The following IRAK3 variants were observed in gnomAD, a reference collection of about 807,000 sequenced individuals.
The protein encoded by IRAK3 is interleukin 1 receptor associated kinase 3.
In IRAK3, 57 loss-of-function variants were observed where a neutral mutation model predicts 56.6. The observed-to-expected ratio is 1.01, with a 90% CI of 0.81 to 1.26. The LOEUF (loss-of-function observed/expected upper bound fraction) is 1.26, where lower values mean the gene tolerates loss of function less well. Ranked by LOEUF, IRAK3 falls within the 50% of genes most tolerant of loss-of-function variation. IRAK3 has a pLI of 0.00. For synonymous variants in IRAK3, 258 were observed against 255.7 expected (o/e 1.01, Z -0.09); for missense variants, 703 against 719.0 (o/e 0.98, Z 0.25).
At chr12:66,208,324 TACAC>T (rs57185737) in intron 2 of IRAK3, among the ~76,000 whole-genome samples, 2 of 150,014 alleles carry the variant, frequency 1.3e-5, no homozygotes, top group African/African-American at 2.4e-5. Flanking sequence ...TTGTCATTGA[TACAC>T]ACACACACAC....
chr12:66,208,700 G>A (rs973434683), intron 2 of IRAK3, among the ~76,000 whole-genome samples: 1 of 151,572 alleles, frequency 6.6e-6, no homozygotes, highest in Non-Finnish European at 1.5e-5. Flanking sequence ...GGCGGAGGTT[G>A]CAGTGAGCCA....
At chr12:66,216,628 A>G (rs1258748863) in intron 5 of IRAK3, among the ~76,000 whole-genome samples, 1 of 152,236 alleles carries the variant, frequency 6.6e-6, no homozygotes, top group East Asian at 1.9e-4. Flanking sequence ...TACTGAACTC[A>G]TTAAAATATT....
intron 8 of IRAK3, among the ~76,000 whole-genome samples, chr12:66,229,810 A>T (rs762702356): frequency 2.6e-5 from 4 of 152,226 alleles, no homozygotes; most frequent in Non-Finnish European, 5.9e-5. Context: ...CACTGAGCAC[A>T]CTAAGTGCTC....
At chr12:66,217,120 C>A in intron 5 of IRAK3, 51 bp from the exon 6 acceptor site, 1 of 1,354,482 alleles carries the variant, frequency 7.4e-7, no homozygotes, top group Non-Finnish European at 1.1e-6. Flanking sequence ...GTTAAGAATC[C>A]CAGAAACAGA....
At chr12:66,214,919 T>C (rs2052653715) in intron 5 of IRAK3, among the ~76,000 whole-genome samples, 1 of 152,174 alleles carries the variant, frequency 6.6e-6, no homozygotes, top group African/African-American at 2.4e-5. Context: ...TCTGATTATC[T>C]GTTGGATAGG....
intron 6 of IRAK3, among the ~76,000 whole-genome samples, chr12:66,220,514 C>CTTCTTTTTTTTTTTTTTTTTTT: frequency 1.5e-5 from 1 of 67,350 alleles, no homozygotes; most frequent in Non-Finnish European, 2.5e-5. Flanking sequence ...GTTCTTCTTT[C>CTTCTTTTTTTTTTTTTTTTTTT]TTTTTTTTTT....
chr12:66,241,165 G>A (rs991554696), intron 8 of IRAK3, among the ~76,000 whole-genome samples: 5 of 152,058 alleles, frequency 3.3e-5, no homozygotes, highest in African/African-American at 1.2e-4. Context: ...CATCTGTGTA[G>A]GATTCTCCAT....
chr12:66,189,771 G>A (rs2052382067), intron 1 of IRAK3, among the ~76,000 whole-genome samples: 1 of 152,160 alleles, frequency 6.6e-6, no homozygotes, highest in Non-Finnish European at 1.5e-5. Flanking sequence ...TCTGGTCCTT[G>A]CAAAATCACC....
At position 66,244,718 on chromosome 12, in the gene IRAK3, T is replaced by G. The variant is rs779167904; in HGVS notation, c.1086+34T>G. ...CAACTGCCAGTTAACAAAGGAGAGT[T>G]TATTGCCAAGAATGTTCTAGATTCT... On this transcript the variant is annotated intron_variant, in intron 9 of 11. Transcript: ENST00000261233. 6 of 1,553,962 alleles carry G rather than the reference T, an allele frequency of 3.9e-6. No homozygotes were observed. The Admixed American group carries it at 8.3e-5, about 22-fold the overall frequency.
intron 1 of IRAK3, among the ~76,000 whole-genome samples, chr12:66,202,795 A>T (rs1468060568): frequency 6.6e-6 from 1 of 151,664 alleles, no homozygotes; most frequent in Non-Finnish European, 1.5e-5. Flanking sequence ...ACAGAGTGAG[A>T]TGTTGTCTCA....
At chr12:66,246,715 G>T (rs1036693143) in intron 11 of IRAK3, among the ~76,000 whole-genome samples, 1 of 152,192 alleles carries the variant, frequency 6.6e-6, no homozygotes, top group African/African-American at 2.4e-5. Context: ...GTTTGTACAG[G>T]TTAAATGAGA....
At position 66,215,786 on chromosome 12, in the gene IRAK3, G is replaced by GCACGTGCACGTGCGCGCGCGCGCGCGCA. The variant is rs368883846; in HGVS notation, c.589-1382_589-1381insGTGCACGTGCGCGCGCGCGCGCGCACAC. Among the ~76,000 whole-genome samples the GCACGTGCACGTGCGCGCGCGCGCGCGCA allele has an allele frequency of 7.3e-5, 9 of 122,832 alleles. 1 individual carries two copies. The highest frequency in any genetic ancestry group is 5.8e-4 in the South Asian group (2 of 3,468). The allele number at this position is 122,832 out of a possible 152,430, so 80.6% of individuals were successfully genotyped here. ...TCCGCCCCCTATTTTAACCCAACAT[G>GCACGTGCACGTGCGCGCGCGCGCGCGCA]CACACACACACACACACACACACAC... On this transcript the variant is annotated intron_variant, in intron 5 of 11. Coordinates refer to ENST00000261233, the MANE Select transcript of IRAK3 (RefSeq NM_007199.3).
Position 66,253,753 on chromosome 12 carries a change from T to G in IRAK3, c.*5582T>G, listed in dbSNP as rs1408963135. The G allele has an allele frequency of 2.0e-5, 3 of 152,182 alleles. No homozygotes were observed. Among genetic ancestry groups the G allele is most frequent in the African/African-American group, 7.2e-5 (3 of 41,446 alleles). 9.4% of individuals were successfully genotyped at this position (152,182 alleles called of 1,614,324 possible). A position where few individuals can be genotyped will look rare whatever the true frequency, so the allele number is the denominator to read the frequency against. ...ATTGTTGTGTCTAGTAGGTGCTAGG[T>G]GCATTCACACATCTCTTAAGCTTTA... On this transcript the variant is annotated 3_prime_UTR_variant, in exon 12 of 12. Transcript: ENST00000261233.
intron 5 of IRAK3, among the ~76,000 whole-genome samples, chr12:66,216,196 G>A (rs1248343204): frequency 1.3e-5 from 2 of 152,140 alleles, no homozygotes; most frequent in Admixed American, 1.3e-4. Flanking sequence ...TATGGCCTTA[G>A]GGAAGTTAAG....
At chr12:66,212,202 A>G (rs1220195650) in intron 5 of IRAK3, among the ~76,000 whole-genome samples, 1 of 151,878 alleles carries the variant, frequency 6.6e-6, no homozygotes, top group Non-Finnish European at 1.5e-5. Context: ...TTGGATTTTT[A>G]GGATGAGCCG....
chr12:66,244,527 C>T lies in IRAK3; in HGVS notation c.929C>T (p.Thr310Ile), dbSNP rs981181042. 1 of 1,614,118 alleles carries T rather than the reference C, an allele frequency of 6.2e-7. No individual in the cohort carries two copies. Among genetic ancestry groups the T allele is most frequent in the African/African-American group, 1.3e-5 (1 of 75,044 alleles). Residue 310 changes from threonine to isoleucine, a missense_variant, in exon 9 of 12, where the codon ACT becomes ATT. By Grantham distance (89) the Thr-to-Ile change is moderately conservative. Coordinates refer to ENST00000261233, the MANE Select transcript of IRAK3 (RefSeq NM_007199.3). ...LLDDQFQPKLTDFAMAHFRSH... is the reference protein window; with the variant it reads ...LLDDQFQPKLIDFAMAHFRSH... Reference sequence around the variant, plus strand: ...GATGATCAGTTTCAACCCAAACTAACTGATTTTGCCATGGCACACTTCCGG... The same window carrying T: ...GATGATCAGTTTCAACCCAAACTAATTGATTTTGCCATGGCACACTTCCGG...
At chr12:66,207,678 G>T (rs1225618669) in intron 2 of IRAK3, among the ~76,000 whole-genome samples, 1 of 151,796 alleles carries the variant, frequency 6.6e-6, no homozygotes, top group Non-Finnish European at 1.5e-5. Flanking sequence ...TTCCCTCTAA[G>T]CATGGCTTTT....
At chr12:66,204,825 A>G (rs1430443727) in intron 2 of IRAK3, among the ~76,000 whole-genome samples, 3 of 150,136 alleles carry the variant, frequency 2.0e-5, no homozygotes, top group African/African-American at 7.3e-5. Flanking sequence ...CACACAAGGA[A>G]TCCTGAGAGA....
chr12:66,195,080 C>T (rs2052438433), intron 1 of IRAK3, among the ~76,000 whole-genome samples: 1 of 152,204 alleles, frequency 6.6e-6, no homozygotes, highest in Non-Finnish European at 1.5e-5. Context: ...AATGCTCCCC[C>T]AGCCCTCCCA....
Sources: gnomAD v4.1 joint callset for allele counts (sites outside exome capture counted in the v4.1 genomes callset) on GRCh38, gnomAD v4.1.1 for gene constraint, MANE v1.5 for transcripts, NCBI Gene and HGNC (gene_info 2026-07-23, HGNC 2026-07-21) for gene names.